YWHAE: variants seen among roughly 807,000 people sequenced by gnomAD.
YWHAE encodes the protein tyrosine 3-monooxygenase/tryptophan 5-monooxygenase activation protein epsilon.
YWHAE carries 4 observed loss-of-function variants against 30.1 expected under a neutral mutation model. The observed-to-expected ratio is 0.13, with a 90% CI of 0.07 to 0.30. The LOEUF (loss-of-function observed/expected upper bound fraction) is 0.30. YWHAE is among the 10% of genes least tolerant of loss of function. The pLI is 1.00. For missense variants in YWHAE, 121 were observed against 315.9 expected (o/e 0.38, Z 4.68); for synonymous variants, 118 against 111.8 (o/e 1.06, Z -0.35).
intron 5 of YWHAE, among the ~76,000 whole-genome samples, chr17:1,353,301 G>A (rs962346859): frequency 4.0e-5 from 6 of 151,880 alleles, no homozygotes; most frequent in Admixed American, 1.3e-4. Context: ...AGCCAGGCGT[G>A]GTGGCAGGCA....
chr17:1,348,021 GA>G (rs1414445321), intron 5 of YWHAE: 4 of 1,006,892 alleles, frequency 4.0e-6, no homozygotes, highest in Non-Finnish European at 4.8e-6. Flanking sequence ...ATATTGCAAG[GA>G]AAAAGGGAGG....
At chr17:1,383,296 G>A (rs537409066) in intron 1 of YWHAE, among the ~76,000 whole-genome samples, 1 of 152,146 alleles carries the variant, frequency 6.6e-6, no homozygotes, top group East Asian at 1.9e-4. Flanking sequence ...GTTTCCGCGA[G>A]CTGAGATCGC....
intron 1 of YWHAE, among the ~76,000 whole-genome samples, chr17:1,374,225 G>A (rs1309555023): frequency 1.3e-5 from 2 of 151,794 alleles, no homozygotes; most frequent in African/African-American, 2.4e-5. Flanking sequence ...GGCTGAAGCA[G>A]GACAACTGCT....
chr17:1,351,126 C>T (rs1212141013), intron 5 of YWHAE, among the ~76,000 whole-genome samples: 1 of 151,804 alleles, frequency 6.6e-6, no homozygotes, highest in Non-Finnish European at 1.5e-5. Flanking sequence ...TTTGGGAGGC[C>T]GAGATGGGCA....
chr17:1,400,009 T>C, intron 1 of YWHAE, 38 bp downstream of exon 1: 1 of 1,611,966 alleles, frequency 6.2e-7, no homozygotes, highest in African/African-American at 1.3e-5. Flanking sequence ...CGGCAGAGGG[T>C]CCGAGAATTC....
intron 4 of YWHAE, among the ~76,000 whole-genome samples, chr17:1,356,639 G>A (rs2072747904): frequency 6.6e-6 from 1 of 152,094 alleles, no homozygotes; most frequent in South Asian, 2.1e-4. Flanking sequence ...ATCCCTATCT[G>A]GACAAACTCA....
chr17:1,356,167 T>C lies in YWHAE; in HGVS notation c.579-1820A>G, dbSNP rs988775615. Among the ~76,000 whole-genome samples the C allele has an allele frequency of 5.6e-5, 6 of 106,880 alleles. No homozygotes were observed. The East Asian group carries it at 9.1e-4, about 16-fold the overall frequency. 70.1% of individuals were successfully genotyped at this position (106,880 alleles called of 152,430 possible). On this transcript the variant is annotated intron_variant, in intron 4 of 5. Coordinates refer to ENST00000264335, the MANE Select transcript of YWHAE (RefSeq NM_006761.5). The stretch of plus-strand genomic sequence containing the variant: ...CTGGGCAACAGAGCAAGACTCCGTC[T>C]AAAAACACACACACACACACACACA...
chr17:1,365,088 AC>A (rs763722047), intron 1 of YWHAE, 30 bp from the exon 2 acceptor site: 1 of 1,598,046 alleles, frequency 6.3e-7, no homozygotes, highest in South Asian at 1.1e-5. Context: ...GTCAGACCTT[AC>A]AAATTTGAAG....
intron 1 of YWHAE, among the ~76,000 whole-genome samples, chr17:1,365,429 T>C (rs941995996): frequency 2.0e-5 from 3 of 152,204 alleles, no homozygotes; most frequent in Non-Finnish European, 4.4e-5. Flanking sequence ...GGTTCTAAAA[T>C]GTATTGTCTC....
chr17:1,386,034 AC>A (rs1347035276), intron 1 of YWHAE, among the ~76,000 whole-genome samples: 18 of 152,194 alleles, frequency 1.2e-4, no homozygotes, highest in Non-Finnish European at 2.5e-4. Flanking sequence ...TTGGCAGAAT[AC>A]CAGTGACATT....
Position 1,346,985 on chromosome 17 carries a change from C to T in YWHAE, c.716-1486G>A, listed in dbSNP as rs113031438. Among the ~76,000 whole-genome samples the T allele has an allele frequency of 2.9e-4, 38 of 131,466 alleles. 2 individuals are homozygous for T. Among genetic ancestry groups the T allele is most frequent in the African/African-American group, 1.0e-3 (35 of 34,780 alleles). The allele number at this position is 131,466 out of a possible 152,430, so 86.2% of individuals were successfully genotyped here. The stretch of plus-strand genomic sequence containing the variant: ...CAGCCTGGGTAACAGAGTGAGACTC[C>T]GTCTCAAAAAAAAAAAAAAAAGAAT... On this transcript the variant is annotated intron_variant, in intron 5 of 5. Transcript: ENST00000264335.
At chr17:1,388,700 C>G (rs1338923549) in intron 1 of YWHAE, among the ~76,000 whole-genome samples, 1 of 151,040 alleles carries the variant, frequency 6.6e-6, no homozygotes, top group Non-Finnish European at 1.5e-5. Context: ...TATGTCAATT[C>G]TTTGATGAGC....
intron 4 of YWHAE, among the ~76,000 whole-genome samples, chr17:1,357,206 A>G (rs567109050): frequency 6.6e-6 from 1 of 151,910 alleles, no homozygotes. Context: ...GATCGAGACC[A>G]TCCTGGCTAA....
intron 3 of YWHAE, 99 bp from the exon 4 acceptor site, chr17:1,361,397 G>T: frequency 1.1e-6 from 1 of 946,248 alleles, no homozygotes; most frequent in Non-Finnish European, 1.5e-6. Flanking sequence ...TATAAAATGT[G>T]ACAAAAATAT....
At chr17:1,399,809 G>A (rs1357849449) in intron 1 of YWHAE, 2 of 106,492 alleles carry the variant, frequency 1.9e-5, no homozygotes, top group Admixed American at 1.2e-4. Flanking sequence ...CCTCCACCCC[G>A]TCGCCCCGGC....
At chr17:1,374,012 T>C (rs1332644802) in intron 1 of YWHAE, among the ~76,000 whole-genome samples, 1 of 152,138 alleles carries the variant, frequency 6.6e-6, no homozygotes, top group Non-Finnish European at 1.5e-5. Flanking sequence ...ATGGATATAC[T>C]ATGCTTTAAA....
chr17:1,399,687 C>G (rs987818251), intron 1 of YWHAE: 2 of 449,918 alleles, frequency 4.4e-6, no homozygotes, highest in Middle Eastern at 6.2e-4. Context: ...ATCCCAAGGC[C>G]GTCCCAGAAG....
chr17:1,365,894 G>A (rs1422183659), intron 1 of YWHAE, among the ~76,000 whole-genome samples: 1 of 152,030 alleles, frequency 6.6e-6, no homozygotes, highest in Non-Finnish European at 1.5e-5. Context: ...AATCACTCGA[G>A]CTCAGGAGTT....
At chr17:1,348,287 G>T (rs533029442) in intron 5 of YWHAE, among the ~76,000 whole-genome samples, 1 of 152,158 alleles carries the variant, frequency 6.6e-6, no homozygotes, top group African/African-American at 2.4e-5. Flanking sequence ...GGAGAGAGGG[G>T]AACAGGCAGG....
Sources: allele counts gnomAD v4.1 joint callset (sites outside exome capture counted in the v4.1 genomes callset), GRCh38; gene constraint gnomAD v4.1.1; transcripts MANE v1.5; gene names NCBI Gene and HGNC (gene_info 2026-07-23, HGNC 2026-07-21).